Variants in CORO1C observed in about 807,000 individuals in gnomAD.
CORO1C encodes the protein coronin 1C.
CORO1C carries 14 observed loss-of-function variants against 51.2 expected under a neutral mutation model. That is an observed-to-expected ratio of 0.27 (90% CI 0.18 to 0.43). The LOEUF (loss-of-function observed/expected upper bound fraction) is 0.43, where lower values mean the gene tolerates loss of function less well. Ranked by LOEUF, CORO1C falls within the 20% of genes least tolerant of loss-of-function variation. The probability of loss-of-function intolerance (pLI) is 1.00; values close to 1 mark genes in which losing one functional copy is unlikely to be tolerated. For synonymous variants in CORO1C, 181 were observed against 210.5 expected (o/e 0.86, Z 1.21); for missense variants, 417 against 607.8 (o/e 0.69, Z 3.30).
chr12:108,689,653 C>A (rs1239595647), intron 2 of CORO1C, among the ~76,000 whole-genome samples: 2 of 152,174 alleles, frequency 1.3e-5, no homozygotes, highest in Non-Finnish European at 2.9e-5. Context: ...GAGCCCCCAC[C>A]CCATCCTGGG....
At position 108,648,709 on chromosome 12, in the gene CORO1C, C is replaced by T. The variant is rs371940032; in HGVS notation, c.1201G>A (p.Asp401Asn). 3.7e-6 allele frequency: 6 copies of T among 1,614,174 alleles called. No homozygotes were observed. Among genetic ancestry groups the T allele is most frequent in the Non-Finnish European group, 5.1e-6 (6 of 1,180,032 alleles). ...KHGYIPGKNR[D>N]LKVVKKNILD... ...ATGTTCTTCTTGACCACCTTGAGAT[C>T]CCTGTTTTTGCCTGGAATGTACCCG... Residue 401 changes from aspartate (D) to asparagine (N), a missense_variant, in exon 10 of 11, where the codon GAT (aspartate) becomes AAT (asparagine). By Grantham distance (23) the Asp-to-Asn change is conservative. Coordinates refer to ENST00000261401, the MANE Select transcript of CORO1C (RefSeq NM_014325.4).
chr12:108,672,851 G>C (rs995338957), intron 3 of CORO1C, among the ~76,000 whole-genome samples: 4 of 151,936 alleles, frequency 2.6e-5, no homozygotes, highest in Non-Finnish European at 5.9e-5. Context: ...AATTGTTTCG[G>C]GGCACTATGA....
chr12:108,717,606 C>A (rs751634933), intron 1 of CORO1C, among the ~76,000 whole-genome samples: 3 of 152,116 alleles, frequency 2.0e-5, no homozygotes, highest in Non-Finnish European at 4.4e-5. Context: ...GAATTTAAAA[C>A]TGTTTTAGAT....
intron 1 of CORO1C, among the ~76,000 whole-genome samples, chr12:108,715,409 C>A (rs1592946020): frequency 6.6e-6 from 1 of 152,104 alleles, no homozygotes; most frequent in Non-Finnish European, 1.5e-5. Flanking sequence ...ATAAGGACTT[C>A]GAAATCATCT....
intron 3 of CORO1C, among the ~76,000 whole-genome samples, chr12:108,670,714 T>C (rs995711120): frequency 6.6e-6 from 1 of 151,806 alleles, no homozygotes; most frequent in African/African-American, 2.4e-5. Flanking sequence ...AACTCCAAAA[T>C]TACTGTCAGA....
At chr12:108,655,373 C>T (rs967244702) in intron 6 of CORO1C, among the ~76,000 whole-genome samples, 4 of 149,252 alleles carry the variant, frequency 2.7e-5, no homozygotes, top group Non-Finnish European at 6.0e-5. Context: ...CCTCCCCCTC[C>T]CCCTCTCCCT....
Position 108,654,417 on chromosome 12 carries a change from G to A in CORO1C, c.751-7C>T, listed in dbSNP as rs1299814150. The stretch of plus-strand genomic sequence containing the variant: ...TTGGTTCCTGCATATTTTTCTGGGG[G>A]GAAGATAATAATAATACATATATGT... On this transcript the variant is annotated splice_region_variant and splice_polypyrimidine_tract_variant and intron_variant, in intron 6 of 10. Coordinates refer to ENST00000261401, the MANE Select transcript of CORO1C (RefSeq NM_014325.4). 1.3e-6 allele frequency: 2 copies of A among 1,530,252 alleles called. No homozygotes were observed. The highest frequency in any genetic ancestry group is 2.3e-5 in the South Asian group (2 of 88,580). 94.8% of individuals were successfully genotyped at this position (1,530,252 alleles called of 1,614,324 possible).
At chr12:108,665,864 C>CGT (rs2033456003) in intron 3 of CORO1C, among the ~76,000 whole-genome samples, 1 of 152,138 alleles carries the variant, frequency 6.6e-6, no homozygotes, top group Non-Finnish European at 1.5e-5. Context: ...ATTCACCTAA[C>CGT]CTTTCCAGGA....
intron 1 of CORO1C, among the ~76,000 whole-genome samples, chr12:108,720,178 C>T (rs1043507138): frequency 3.3e-5 from 5 of 151,938 alleles, no homozygotes; most frequent in Non-Finnish European, 5.9e-5. Context: ...AGAGCAAGAC[C>T]CTGTCTCAAA....
At chr12:108,718,589 T>G (rs2035399515) in intron 1 of CORO1C, among the ~76,000 whole-genome samples, 1 of 151,990 alleles carries the variant, frequency 6.6e-6, no homozygotes. Flanking sequence ...AAACTAACAC[T>G]GTTTAAAATA....
At chr12:108,684,073 G>A (rs1305841604) in intron 2 of CORO1C, among the ~76,000 whole-genome samples, 1 of 152,136 alleles carries the variant, frequency 6.6e-6, no homozygotes, top group African/African-American at 2.4e-5. Flanking sequence ...CAAAGTGCAA[G>A]AAGAGGTATG....
intron 3 of CORO1C, among the ~76,000 whole-genome samples, chr12:108,673,774 T>C (rs564321255): frequency 2.6e-5 from 4 of 152,276 alleles, no homozygotes; most frequent in African/African-American, 9.6e-5. Flanking sequence ...ATATACCTAA[T>C]GCTAAATGAT....
chr12:108,661,583 T>C (rs183737673), intron 4 of CORO1C, among the ~76,000 whole-genome samples: 17 of 151,660 alleles, frequency 1.1e-4, no homozygotes, highest in Admixed American at 5.4e-4. Flanking sequence ...CATGTACTAA[T>C]TGTATAGCAG....
At chr12:108,704,646 C>T (rs12322587) in intron 1 of CORO1C, among the ~76,000 whole-genome samples, 1 of 152,234 alleles carries the variant, frequency 6.6e-6, no homozygotes, top group Non-Finnish European at 1.5e-5. Flanking sequence ...TCAGGCATCT[C>T]TAAGCGGAGC....
rs184153456 is a variant in CORO1C at position 108,726,298 on chromosome 12, A to G, written c.-6+5131T>C. Among the ~76,000 whole-genome samples the G allele has an allele frequency of 5.1e-3, 771 of 151,462 alleles. 7 individuals carry two copies. The highest frequency in any genetic ancestry group is 0.02 in the Middle Eastern group (6 of 294). On this transcript the variant is annotated intron_variant, in intron 1 of 10. Transcript: ENST00000261401. ...GCCGGGTGTAGTGGCGGGCGCCTGT[A>G]GTCCCAGCTACTTGGGAGGCTGAGG...
chr12:108,721,034 A>G (rs2035463287), intron 1 of CORO1C, among the ~76,000 whole-genome samples: 1 of 152,066 alleles, frequency 6.6e-6, no homozygotes, highest in African/African-American at 2.4e-5. Context: ...ACCTTTAAGG[A>G]ACATGGAATA....
intron 4 of CORO1C, among the ~76,000 whole-genome samples, chr12:108,660,253 A>T (rs571616080): frequency 6.6e-6 from 1 of 152,298 alleles, no homozygotes; most frequent in South Asian, 2.1e-4. Flanking sequence ...GGAGTTGGAG[A>T]CCAGCCTGAC....
intron 4 of CORO1C, among the ~76,000 whole-genome samples, chr12:108,660,987 G>A (rs768292042): frequency 3.3e-5 from 5 of 152,082 alleles, no homozygotes; most frequent in Non-Finnish European, 7.4e-5. Flanking sequence ...TACTGGTGAG[G>A]GGAAAGACCT....
chr12:108,670,391 C>G (rs1175794662), intron 3 of CORO1C, among the ~76,000 whole-genome samples: 1 of 152,186 alleles, frequency 6.6e-6, no homozygotes, highest in Non-Finnish European at 1.5e-5. Flanking sequence ...CAGGCACAAT[C>G]TAGACCCCAG....
Sources: allele counts gnomAD v4.1 joint callset (sites outside exome capture counted in the v4.1 genomes callset), GRCh38; gene constraint gnomAD v4.1.1; transcripts MANE v1.5; gene names NCBI Gene and HGNC (gene_info 2026-07-23, HGNC 2026-07-21).